Variants in CYP4B1 observed in about 807,000 individuals in gnomAD.
CYP4B1 encodes cytochrome P450 family 4 subfamily B member 1.
A neutral mutation model predicts 54.0 loss-of-function variants in CYP4B1; 45 were observed. That is an observed-to-expected ratio of 0.83 (90% CI 0.66 to 1.07). The LOEUF (loss-of-function observed/expected upper bound fraction) is 1.07. Among genes scored for constraint, CYP4B1 ranks in the 50% least tolerant of loss-of-function variants. The pLI is 0.00. For synonymous variants in CYP4B1, 248 were observed against 247.5 expected (o/e 1.00, Z -0.02); for missense variants, 656 against 655.4 (o/e 1.00, Z -0.01).
At position 46,813,738 on chromosome 1, in the gene CYP4B1, C is replaced by T. The variant is rs1569900716; in HGVS notation, c.620+132C>T. The T allele has an allele frequency of 7.6e-6, 11 of 1,447,224 alleles. No individual in the cohort carries two copies. In the East Asian group the frequency reaches 1.8e-4, roughly 24 times the overall value. The allele number at this position is 1,447,224 out of a possible 1,614,324, so 89.6% of individuals were successfully genotyped here. On this transcript the variant is annotated intron_variant, in intron 5 of 11. Transcript: ENST00000371923. Reference sequence around the variant, plus strand: ...CAGGGAGCCTTAGCTTGCGGGGAGACAGGACCTGCTCATGGTGGGGTAAAC... The same window carrying T: ...CAGGGAGCCTTAGCTTGCGGGGAGATAGGACCTGCTCATGGTGGGGTAAAC...
chr1:46,801,340 C>T (rs1274076433), intron 1 of CYP4B1, among the ~76,000 whole-genome samples: 6 of 152,214 alleles, frequency 3.9e-5, no homozygotes, highest in African/African-American at 1.4e-4. Flanking sequence ...TACCTGCCTT[C>T]GTCAAAGTTG....
intron 1 of CYP4B1, among the ~76,000 whole-genome samples, chr1:46,805,314 G>T (rs372826096): frequency 2.0e-5 from 3 of 152,368 alleles, no homozygotes; most frequent in African/African-American, 4.8e-5. Context: ...CAGGAGGGAT[G>T]TTGGGGGCAG....
At position 46,811,025 on chromosome 1, in the gene CYP4B1, A is replaced by T. The variant is rs1679078251; in HGVS notation, c.322+76A>T. 2.5e-6 allele frequency: 4 copies of T among 1,602,454 alleles called. No homozygotes were observed. The Admixed American group carries it at 5.0e-5, about 20-fold the overall frequency. ...AAAGGGCTCAGGGCATGATATGGGG[A>T]GGAAGCCTGGGCCTGTGTACTAAGT... On this transcript the variant is annotated intron_variant, in intron 2 of 11. Transcript: ENST00000371923.
intron 1 of CYP4B1, among the ~76,000 whole-genome samples, chr1:46,810,406 G>T: frequency 6.6e-6 from 1 of 152,320 alleles, no homozygotes; most frequent in Non-Finnish European, 1.5e-5. Flanking sequence ...AAAATGTGTT[G>T]AACGATACGG....
At position 46,815,111 on chromosome 1, in the gene CYP4B1, G is replaced by A. The variant is rs778817288; in HGVS notation, c.920G>A (p.Arg307Gln). Residue 307 changes from arginine to glutamine, a missense_variant, in exon 8 of 12, where the codon CGG becomes CAG. Arg to Gln is a conservative substitution (Grantham distance 43). Transcript: ENST00000371923. ...ATCAAACTGTCAGATGCAGACCTCC[G>A]GGCTGAAGTGGACACATTCATGTTT... The part of the protein sequence containing the change: ...DDIKLSDADL[R>Q]AEVDTFMFEG... 1.1e-5 allele frequency: 17 copies of A among 1,614,038 alleles called. No individual in the cohort carries two copies. The highest frequency in any genetic ancestry group is 5.5e-5 in the South Asian group (5 of 91,090).
chr1:46,817,436 C>T, intron 9 of CYP4B1: 2 of 534,748 alleles, frequency 3.7e-6, no homozygotes, highest in Non-Finnish European at 6.7e-6. Context: ...AGAGAATGTT[C>T]ACCAAGGCTG....
intron 4 of CYP4B1, among the ~76,000 whole-genome samples, chr1:46,812,833 G>A (rs192061817): frequency 3.9e-5 from 6 of 152,290 alleles, no homozygotes; most frequent in African/African-American, 1.4e-4. Flanking sequence ...GAATCTCTAA[G>A]TGTCCTGGCA....
At chr1:46,807,370 A>G (rs1678903589) in intron 1 of CYP4B1, among the ~76,000 whole-genome samples, 1 of 152,198 alleles carries the variant, frequency 6.6e-6, no homozygotes, top group South Asian at 2.1e-4. Context: ...CTAAGATCCT[A>G]TGAGTCTGGC....
chr1:46,807,979 G>T (rs992698597), intron 1 of CYP4B1, among the ~76,000 whole-genome samples: 3 of 152,312 alleles, frequency 2.0e-5, no homozygotes, highest in African/African-American at 4.8e-5. Context: ...CTGGGTAAAA[G>T]GTTTATTTGG....
chr1:46,812,300 T>G (rs1188516621), intron 3 of CYP4B1, 196 bp from the exon 4 acceptor site: 1 of 704,202 alleles, frequency 1.4e-6, no homozygotes, highest in East Asian at 2.7e-5. Flanking sequence ...AGGAGCTCAC[T>G]CAGCCAAGAA....
Position 46,809,709 on chromosome 1 carries a change from C to A in CYP4B1, c.181-1099C>A, listed in dbSNP as rs777435801. ...TTGGACCTTTTCCAAGGCCCCTGGG[C>A]AGGCCACTAGGAGTGTTAAGTGTAT... On this transcript the variant is annotated intron_variant, in intron 1 of 11. Transcript: ENST00000371923. 2.6e-5 allele frequency among the ~76,000 whole-genome samples: 4 copies of A among 152,352 alleles called. No individual in the cohort carries two copies. The East Asian group carries it at 7.7e-4, about 29-fold the overall frequency.
intron 3 of CYP4B1, among the ~76,000 whole-genome samples, chr1:46,811,564 G>C (rs1679101994): frequency 6.6e-6 from 1 of 152,242 alleles, no homozygotes; most frequent in Non-Finnish European, 1.5e-5. Context: ...ACCAGAGGCT[G>C]TGAGGCTGTC....
intron 1 of CYP4B1, among the ~76,000 whole-genome samples, chr1:46,800,194 T>TC (rs1491571632): frequency 0.1 from 4,253 of 42,364 alleles, 950 homozygotes; most frequent in East Asian, 0.34. Flanking sequence ...TCTTTCTTTC[T>TC]TTCTCTTTCT....
chr1:46,818,750 T>C lies in CYP4B1; in HGVS notation c.1475T>C (p.Val492Ala). The C allele has an allele frequency of 2.5e-6, 4 of 1,614,132 alleles. No individual in the cohort carries two copies. Among genetic ancestry groups the C allele is most frequent in the Non-Finnish European group, 3.4e-6 (4 of 1,180,020 alleles). Residue 492 changes from valine (V) to alanine (A), a missense_variant, in exon 12 of 12, where the codon GTC becomes GCC. Transcript: ENST00000371923. ...SRLPIKMPQL[V>A]LRSKNGFHLH... ...CTGCCCATCAAGATGCCCCAGCTTGTCCTGCGCTCCAAGAATGGCTTTCAC... is the reference window on the plus strand; with the variant it reads ...CTGCCCATCAAGATGCCCCAGCTTGCCCTGCGCTCCAAGAATGGCTTTCAC...
intron 1 of CYP4B1, chr1:46,806,731 G>A (rs1572603): frequency 0.099 from 15,012 of 152,328 alleles, 891 homozygotes; most frequent in East Asian, 0.19. Context: ...GAGTGCCAAT[G>A]TGAGGGTGGG....
At position 46,814,288 on chromosome 1, in the gene CYP4B1, C is replaced by T. The variant is rs761027364; in HGVS notation, c.855C>T (p.Asp285=). ...AGATCCAGAACCGGAGGCACCTGGA[C>T]TTCCTGGACATTCTCCTGGGTGCCC... ...RKKIQNRRHL[D]FLDILLGARD... The change falls in exon 7 of 12, where the codon GAC becomes GAT. Residue 285 remains aspartate, a synonymous_variant. Coordinates refer to ENST00000371923, the MANE Select transcript of CYP4B1 (RefSeq NM_001099772.2). The T allele has an allele frequency of 6.2e-7, 1 of 1,614,090 alleles. No homozygotes were observed. Among genetic ancestry groups the T allele is most frequent in the South Asian group, 1.1e-5 (1 of 91,044 alleles).
At chr1:46,816,521 C>T (rs45449198) in intron 8 of CYP4B1, among the ~76,000 whole-genome samples, 1 of 150,756 alleles carries the variant, frequency 6.6e-6, no homozygotes, top group East Asian at 2.0e-4. Context: ...AAAATATTGC[C>T]CTGTAGTTAT....
chr1:46,799,185 G>T lies in CYP4B1; in HGVS notation c.104G>T (p.Arg35Leu). 1 of 1,611,362 alleles carries T rather than the reference G, an allele frequency of 6.2e-7. No individual in the cohort carries two copies. Among genetic ancestry groups the T allele is most frequent in the South Asian group, 1.1e-5 (1 of 90,328 alleles). The change falls in exon 1 of 12, where the codon CGG (arginine) becomes CTG (leucine). Residue 35 changes from arginine (R) to leucine (L), a missense_variant. Coordinates refer to ENST00000371923, the MANE Select transcript of CYP4B1 (RefSeq NM_001099772.2). ...CTCAAGCTCATCCACCTGCTGCTGC[G>T]GAGGCAGACGTTGGCTAAGGCTATG... ...GFLKLIHLLLRRQTLAKAMDK... is the reference protein window; with the variant it reads ...GFLKLIHLLLLRQTLAKAMDK...
In CYP4B1 at chr1:46,810,947, G is replaced by C; in HGVS notation, c.320G>C (p.Gly107Ala). 6.2e-7 allele frequency: 1 copy of C among 1,613,952 alleles called. No homozygotes were observed. Among genetic ancestry groups the C allele is most frequent in the Non-Finnish European group, 8.5e-7 (1 of 1,179,960 alleles). The change falls in exon 2 of 12, where the codon GGG becomes GCG. Residue 107 changes from glycine (G) to alanine (A), a missense_variant and splice_region_variant. Transcript: ENST00000371923. The part of the protein sequence containing the change: ...PDYAKAVYSR[G>A]DPKAPDVYDF... ...TATGCCAAAGCTGTGTACAGCCGTG[G>C]GGGTGAGGAGAGAGGATGGGGATCT...
Sources: allele counts gnomAD v4.1 joint callset (sites outside exome capture counted in the v4.1 genomes callset), GRCh38; gene constraint gnomAD v4.1.1; transcripts MANE v1.5; gene names NCBI Gene and HGNC (gene_info 2026-07-23, HGNC 2026-07-21).